ARHGAP15: variants seen among roughly 807,000 people sequenced by gnomAD.
ARHGAP15 encodes the protein rho GTPase-activating protein 15.
ARHGAP15 carries 51 observed loss-of-function variants against 63.7 expected under a neutral mutation model. The ratio of observed to expected loss-of-function variants is 0.80; its 90% CI spans 0.64 to 1.01. The LOEUF (loss-of-function observed/expected upper bound fraction) is 1.01. ARHGAP15 is among the 50% of genes least tolerant of loss of function. The pLI is 0.00. For synonymous variants in ARHGAP15, 191 were observed against 193.8 expected (o/e 0.99, Z 0.12); for missense variants, 560 against 564.6 (o/e 0.99, Z 0.08).
chr2:143,341,986 T>C (rs1166325683), intron 6 of ARHGAP15, among the ~76,000 whole-genome samples: 3 of 152,156 alleles, frequency 2.0e-5, no homozygotes, highest in East Asian at 3.8e-4. Context: ...TAAAAATACA[T>C]ATAAACCCTA....
intron 6 of ARHGAP15, among the ~76,000 whole-genome samples, chr2:143,391,331 A>C (rs897176525): frequency 2.0e-5 from 3 of 152,184 alleles, no homozygotes; most frequent in Non-Finnish European, 4.4e-5. Flanking sequence ...TCTTGGGATA[A>C]ATCAGGATAA....
At chr2:143,467,731 A>G (rs1691301189) in intron 8 of ARHGAP15, among the ~76,000 whole-genome samples, 1 of 152,108 alleles carries the variant, frequency 6.6e-6, no homozygotes, top group African/African-American at 2.4e-5. Context: ...TTAAAAGAAG[A>G]ACAAGATTTT....
chr2:143,692,920 G>C (rs985220724), intron 12 of ARHGAP15, among the ~76,000 whole-genome samples: 1 of 152,118 alleles, frequency 6.6e-6, no homozygotes, highest in Admixed American at 6.6e-5. Context: ...TCAGGTTAAA[G>C]TTGATATTTT....
intron 10 of ARHGAP15, among the ~76,000 whole-genome samples, chr2:143,527,516 T>C (rs1158057488): frequency 6.6e-6 from 1 of 151,922 alleles, no homozygotes; most frequent in African/African-American, 2.4e-5. Flanking sequence ...CTGGACACTT[T>C]GAGAAAAAAA....
chr2:143,595,865 T>C (rs1574680720), intron 11 of ARHGAP15, among the ~76,000 whole-genome samples: 1 of 152,144 alleles, frequency 6.6e-6, no homozygotes, highest in Non-Finnish European at 1.5e-5. Context: ...ATATAAACAA[T>C]CTTCCAAAGT....
chr2:143,738,055 C>G (rs1023249267), intron 13 of ARHGAP15, among the ~76,000 whole-genome samples: 13 of 151,624 alleles, frequency 8.6e-5, no homozygotes, highest in Admixed American at 7.9e-4. Context: ...TTGCAATCCT[C>G]AGAATCAGAG....
chr2:143,360,334 G>A (rs72852711), intron 6 of ARHGAP15, among the ~76,000 whole-genome samples: 19,946 of 151,924 alleles, frequency 0.13, 1,597 homozygotes, highest in East Asian at 0.39. Flanking sequence ...GCAGTGAGCC[G>A]TGATTGTGCC....
At chr2:143,469,482 G>A (rs1247557759) in intron 8 of ARHGAP15, among the ~76,000 whole-genome samples, 1 of 152,176 alleles carries the variant, frequency 6.6e-6, no homozygotes, top group Non-Finnish European at 1.5e-5. Flanking sequence ...GCCAACTGTA[G>A]CAATGCCCCA....
intron 6 of ARHGAP15, among the ~76,000 whole-genome samples, chr2:143,292,443 A>G (rs1235526566): frequency 1.3e-5 from 2 of 152,064 alleles, no homozygotes; most frequent in East Asian, 1.9e-4. Flanking sequence ...AAAGATTTGT[A>G]TCCTCTTTGG....
chr2:143,415,742 C>T (rs989336661), intron 6 of ARHGAP15, among the ~76,000 whole-genome samples: 6 of 151,974 alleles, frequency 3.9e-5, no homozygotes, highest in Non-Finnish European at 7.4e-5. Flanking sequence ...CATTAATCAA[C>T]GAGTGGGTAA....
At chr2:143,446,792 C>T (rs1690162885) in intron 8 of ARHGAP15, among the ~76,000 whole-genome samples, 1 of 126,618 alleles carries the variant, frequency 7.9e-6, no homozygotes, top group Admixed American at 8.6e-5. Context: ...CCCCACCCCA[C>T]AACAGTCCCC....
intron 3 of ARHGAP15, among the ~76,000 whole-genome samples, chr2:143,206,245 C>T (rs1692326113): frequency 6.6e-6 from 1 of 152,070 alleles, no homozygotes; most frequent in Admixed American, 6.6e-5. Context: ...AAGTTAGAGG[C>T]CATGACTTGT....
At position 143,668,819 on chromosome 2, in the gene ARHGAP15, A is replaced by G. The variant is rs1246980369; in HGVS notation, c.1139-34600A>G. 3.3e-5 allele frequency among the ~76,000 whole-genome samples: 5 copies of G among 152,352 alleles called. No individual in the cohort carries two copies. The East Asian group carries it at 7.7e-4, about 23-fold the overall frequency. On this transcript the variant is annotated intron_variant, in intron 12 of 13. Coordinates refer to ENST00000295095, the MANE Select transcript of ARHGAP15 (RefSeq NM_018460.4). Reference sequence around the variant, plus strand: ...CAATGAAACTCTTCAAGAATTCTCCATAAAATCAAGGATCTAGGCCACAAA... The same window carrying G: ...CAATGAAACTCTTCAAGAATTCTCCGTAAAATCAAGGATCTAGGCCACAAA...
At chr2:143,706,886 T>G (rs1240519563) in intron 13 of ARHGAP15, among the ~76,000 whole-genome samples, 1 of 152,148 alleles carries the variant, frequency 6.6e-6, no homozygotes, top group Non-Finnish European at 1.5e-5. Flanking sequence ...AATCATCATA[T>G]AAATGGCAAA....
At chr2:143,183,681 A>G (rs1458257094) in intron 2 of ARHGAP15, among the ~76,000 whole-genome samples, 2 of 151,736 alleles carry the variant, frequency 1.3e-5, no homozygotes, top group Admixed American at 6.6e-5. Flanking sequence ...AAATCTCTAA[A>G]TACCCAGAGA....
intron 11 of ARHGAP15, among the ~76,000 whole-genome samples, chr2:143,623,752 G>T (rs746960526): frequency 6.6e-6 from 1 of 152,236 alleles, no homozygotes; most frequent in Non-Finnish European, 1.5e-5. Context: ...CCTTTAGGCC[G>T]GTCCCTTGAG....
intron 8 of ARHGAP15, among the ~76,000 whole-genome samples, chr2:143,443,058 A>G (rs188566085): frequency 5.9e-5 from 9 of 152,268 alleles, no homozygotes; most frequent in Admixed American, 1.3e-4. Context: ...TAAGATATTT[A>G]TTATTATCCA....
chr2:143,578,482 C>T (rs1482957586), intron 11 of ARHGAP15, among the ~76,000 whole-genome samples: 1 of 152,086 alleles, frequency 6.6e-6, no homozygotes, highest in Non-Finnish European at 1.5e-5. Context: ...TACAATCCAG[C>T]AAAGGGCCAG....
At chr2:143,131,398 A>G (rs1688910871) in intron 1 of ARHGAP15, among the ~76,000 whole-genome samples, 1 of 152,228 alleles carries the variant, frequency 6.6e-6, no homozygotes, top group African/African-American at 2.4e-5. Flanking sequence ...TTGGAAAGTC[A>G]TATTAAAGCT....
Sources: gnomAD v4.1 joint callset for allele counts (sites outside exome capture counted in the v4.1 genomes callset) on GRCh38, gnomAD v4.1.1 for gene constraint, MANE v1.5 for transcripts, NCBI Gene and HGNC (gene_info 2026-07-23, HGNC 2026-07-21) for gene names.